GNL3L: variants seen among roughly 807,000 people sequenced by gnomAD.
GNL3L encodes the protein guanine nucleotide-binding protein-like 3-like protein.
A neutral mutation model predicts 42.9 loss-of-function variants in GNL3L; 4 were observed. The ratio of observed to expected loss-of-function variants is 0.09; its 90% CI spans 0.05 to 0.21. The LOEUF is 0.21. GNL3L is among the 10% of genes least tolerant of loss of function. GNL3L has a pLI of 1.00. For missense variants in GNL3L, 412 were observed against 481.7 expected, an observed-to-expected ratio of 0.86 and a Z score of 1.36; for synonymous variants, 159 against 176.3, an observed-to-expected ratio of 0.90 and a Z score of 0.78.
intron 16 of GNL3L, among the ~76,000 whole-genome samples, chrX:54,607,042 TTCTTTCTTTCTTTCTTTC>T (rs1926082012): frequency 2.9e-5 from 2 of 69,958 alleles, no homozygotes; most frequent in African/African-American, 1.8e-4. Flanking sequence ...CTTTCTTTCT[TTCTTTCTTTCTTTCTTTC>T]TTTCTTTCTT....
intron 15 of GNL3L, among the ~76,000 whole-genome samples, chrX:54,559,090 G>A (rs1333600931): frequency 8.9e-6 from 1 of 111,912 alleles, no homozygotes; most frequent in African/African-American, 3.2e-5. Context: ...CTCGCATCAG[G>A]ATTCCCTGGA....
downstream of GNL3L, among the ~76,000 whole-genome samples, chrX:54,571,866 C>T (rs1480168268): frequency 5.5e-5 from 6 of 109,599 alleles, no homozygotes; most frequent in African/African-American, 9.9e-5. Flanking sequence ...ACCTGCTTTC[C>T]TCCTTCACGG....
intron 2 of GNL3L, among the ~76,000 whole-genome samples, 165 bp from the exon 3 acceptor site, chrX:54,538,875 T>A (rs182479462): frequency 1.8e-5 from 2 of 112,420 alleles, no homozygotes; most frequent in East Asian, 5.6e-4. Flanking sequence ...CTTCCTCTGA[T>A]ACTATTGCTG....
At chrX:54,542,924 CT>C (rs1366237827) in intron 5 of GNL3L, 30 bp from the exon 6 acceptor site, 1 of 959,643 alleles carries the variant, frequency 1.0e-6, no homozygotes, top group African/African-American at 1.9e-5. Context: ...CCCTCCTCCC[CT>C]GGACCATTCT....
At position 54,544,243 on chromosome X, in the gene GNL3L, G is replaced by C. The variant is rs372636435; in HGVS notation, c.547G>C (p.Val183Leu). The C allele has an allele frequency of 5.1e-5, 60 of 1,182,998 alleles. No individual in the cohort carries two copies. The highest frequency in any genetic ancestry group is 6.9e-5 in the Non-Finnish European group (60 of 871,624). Residue 183 changes from valine (V) to leucine (L), a missense_variant, in exon 8 of 16, where the codon GTG becomes CTG. Physicochemically the swap from Val to Leu is conservative, Grantham distance 32. Transcript: ENST00000360845. ...NKIDLVPKEVVEKWLDYLRNE... is the reference protein window; with the variant it reads ...NKIDLVPKEVLEKWLDYLRNE... ...CCCAGACCTGGTCCCCAAGGAGGTT[G>C]TGGAGAAATGGCTGGATTACCTTCG...
the GNL3L span, among the ~76,000 whole-genome samples, chrX:54,634,941 G>A: frequency 4.6e-5 from 5 of 107,846 alleles, no homozygotes; most frequent in African/African-American, 1.7e-4. Flanking sequence ...ACAGGTGCCC[G>A]CCACCATGCC....
In GNL3L at chrX:54,563,121, CTGGTATGTGATAG is replaced by C. The variant is rs749032976; in HGVS notation, c.*2522_*2534del. On this transcript the variant is annotated 3_prime_UTR_variant, in exon 16 of 16. Coordinates refer to ENST00000360845, the MANE Select transcript of GNL3L (RefSeq NM_001184819.2). ...TTTCACACTATCTCATTGAACTCTC[CTGGTATGTGATAG>C]TGTTATAATGAAAAATTGCATACCA... Among the ~76,000 whole-genome samples, 142 of 112,027 alleles carry C rather than the reference CTGGTATGTGATAG, an allele frequency of 1.3e-3. No individual in the cohort carries two copies. Among genetic ancestry groups the C allele is most frequent in the Admixed American group, 3.1e-3 (32 of 10,463 alleles).
chrX:54,550,811 AGGGCCT>A (rs1313850558), intron 9 of GNL3L, 146 bp from the exon 10 acceptor site: 1 of 435,408 alleles, frequency 2.3e-6, no homozygotes, highest in African/African-American at 2.5e-5. Context: ...GGGCTTTGTC[AGGGCCT>A]GGGGTGGGAA....
chrX:54,613,940 A>G (rs928428921), intron 16 of GNL3L, among the ~76,000 whole-genome samples: 1 of 110,292 alleles, frequency 9.1e-6, no homozygotes, highest in Admixed American at 9.6e-5. Context: ...AGCATCTGCT[A>G]TAGTAATATA....
chrX:54,541,523 G>A (rs1415077945), intron 5 of GNL3L, 134 bp downstream of exon 5: 1 of 443,610 alleles, frequency 2.3e-6, no homozygotes, highest in East Asian at 3.8e-5. Flanking sequence ...AAAACCATGG[G>A]GACGGACGAA....
downstream of GNL3L, among the ~76,000 whole-genome samples, chrX:54,568,188 C>T (rs924599768): frequency 1.8e-5 from 2 of 110,837 alleles, no homozygotes; most frequent in Non-Finnish European, 3.8e-5. Context: ...AGGCTGGTCT[C>T]GAACTCCTGA....
At position 54,564,064 on chromosome X, in the gene GNL3L, C is replaced by T. The variant is rs1450058626; in HGVS notation, c.*3462C>T. ...CAGGCCCTTTTGTAGTCAACTCCTACCCCCGACCCTCAGATTCTGCTAACC... is the reference window on the plus strand; with the variant it reads ...CAGGCCCTTTTGTAGTCAACTCCTATCCCCGACCCTCAGATTCTGCTAACC... On this transcript the variant is annotated 3_prime_UTR_variant, in exon 16 of 16. Transcript: ENST00000360845. Among the ~76,000 whole-genome samples the T allele has an allele frequency of 9.1e-6, 1 of 110,063 alleles. No homozygotes were observed. Among genetic ancestry groups the T allele is most frequent in the East Asian group, 2.9e-4 (1 of 3,491 alleles).
intron 16 of GNL3L, among the ~76,000 whole-genome samples, chrX:54,574,417 A>G (rs1411057422): frequency 8.9e-6 from 1 of 112,082 alleles, no homozygotes; most frequent in Admixed American, 9.5e-5. Flanking sequence ...TAATTCTACC[A>G]ATATAGCGTA....
chrX:54,574,867 G>C (rs765157711), intron 16 of GNL3L, among the ~76,000 whole-genome samples: 1 of 111,647 alleles, frequency 9.0e-6, no homozygotes, highest in Non-Finnish European at 1.9e-5. Flanking sequence ...GAATGTATTT[G>C]TATTTTTCAA....
intron 14 of GNL3L, among the ~76,000 whole-genome samples, chrX:54,555,633 ATTTTTTTTTTTTTT>A (rs759334820): frequency 1.5e-5 from 1 of 66,396 alleles, no homozygotes; most frequent in Admixed American, 1.7e-4. Flanking sequence ...ACCATGCCTA[ATTTTTTTTTTTTTT>A]TTTTTTTTTT....
At chrX:54,556,417 C>T (rs980044255) in intron 14 of GNL3L, among the ~76,000 whole-genome samples, 8 of 110,959 alleles carry the variant, frequency 7.2e-5, no homozygotes, top group Non-Finnish European at 1.5e-4. Flanking sequence ...ATTACTTCCA[C>T]CTGGTCTCTC....
intron 13 of GNL3L, among the ~76,000 whole-genome samples, chrX:54,553,818 G>T (rs1008697336): frequency 8.0e-5 from 9 of 111,915 alleles, no homozygotes; most frequent in African/African-American, 2.9e-4. Flanking sequence ...TGGGATTACA[G>T]ACATGAGCCA....
chrX:54,592,042 A>G (rs1349528507), intron 16 of GNL3L, among the ~76,000 whole-genome samples: 1 of 111,435 alleles, frequency 9.0e-6, no homozygotes, highest in African/African-American at 3.3e-5. Context: ...TCTTTGGTTA[A>G]TTCCTAGGTA....
At chrX:54,641,221 T>A in the GNL3L span, among the ~76,000 whole-genome samples, 2 of 110,818 alleles carry the variant, frequency 1.8e-5, no homozygotes, top group Admixed American at 9.6e-5. Flanking sequence ...TCCTCAGAGC[T>A]CCTTGAGGCC....
Sources: gnomAD v4.1 joint callset for allele counts (sites outside exome capture counted in the v4.1 genomes callset) on GRCh38, gnomAD v4.1.1 for gene constraint, MANE v1.5 for transcripts, NCBI Gene and HGNC (gene_info 2026-07-23, HGNC 2026-07-21) for gene names.